The following FBXW8 variants were observed in gnomAD, a reference collection of about 807,000 sequenced individuals.
FBXW8 encodes the protein F-box and WD repeat domain containing 8, also known as F-box/WD repeat-containing protein 8.
FBXW8 carries 57 observed loss-of-function variants against 65.3 expected under a neutral mutation model. The observed-to-expected ratio is 0.87, with a 90% CI of 0.71 to 1.09. The LOEUF (loss-of-function observed/expected upper bound fraction) is 1.09, where lower values mean the gene tolerates loss of function less well. FBXW8 is among the 50% of genes least tolerant of loss of function. The probability of loss-of-function intolerance (pLI) is 0.00; values close to 1 mark genes in which losing one functional copy is unlikely to be tolerated. For missense variants in FBXW8, 777 were observed against 814.8 expected (o/e 0.95, Z 0.57); for synonymous variants, 308 against 330.2 (o/e 0.93, Z 0.73).
intron 1 of FBXW8, among the ~76,000 whole-genome samples, chr12:116,922,214 G>T (rs1400811193): frequency 6.6e-6 from 1 of 151,768 alleles, no homozygotes; most frequent in African/African-American, 2.4e-5. Context: ...TATTTATCTC[G>T]ACTGCCTTTC....
intron 9 of FBXW8, among the ~76,000 whole-genome samples, chr12:117,026,765 CCACCTGGATGAGA>C (rs1409374663): frequency 2.0e-5 from 3 of 152,252 alleles, no homozygotes; most frequent in African/African-American, 7.2e-5. Context: ...GGCCAGGCAT[CCACCTGGATGAGA>C]CATCTTTTTA....
At chr12:116,948,286 T>A (rs1883059351) in intron 3 of FBXW8, among the ~76,000 whole-genome samples, 1 of 152,198 alleles carries the variant, frequency 6.6e-6, no homozygotes. Flanking sequence ...AGAGATTTTC[T>A]GTTATTGTAA....
chr12:116,927,444 C>T (rs1237517532), intron 1 of FBXW8, among the ~76,000 whole-genome samples: 2 of 152,110 alleles, frequency 1.3e-5, no homozygotes, highest in Non-Finnish European at 2.9e-5. Flanking sequence ...GGAGAGGTGG[C>T]GTTCATCTCC....
At position 116,961,608 on chromosome 12, in the gene FBXW8, G is replaced by T. The variant is rs933378946; in HGVS notation, c.678-3089G>T. On this transcript the variant is annotated intron_variant, in intron 4 of 10. Transcript: ENST00000652555. This position sits in a 1 kb window ranked among gnomAD's most constrained non-coding sequence, Gnocchi z 4.4. ...AGGGTTCTCTGGGTATATGGCAAGCGCTGTTCTAGTCTGTCTGTTCCAGTC... is the reference window on the plus strand; with the variant it reads ...AGGGTTCTCTGGGTATATGGCAAGCTCTGTTCTAGTCTGTCTGTTCCAGTC... 1.3e-5 allele frequency among the ~76,000 whole-genome samples: 2 copies of T among 152,146 alleles called. No individual in the cohort carries two copies. The highest frequency in any genetic ancestry group is 4.1e-4 in the South Asian group (2 of 4,830).
At chr12:116,949,586 G>A (rs902453236) in intron 3 of FBXW8, 32 bp from the exon 4 acceptor site, 3 of 1,609,406 alleles carry the variant, frequency 1.9e-6, no homozygotes, top group South Asian at 2.2e-5. Context: ...CCCGAGAGCA[G>A]TCTAAACTGC....
chr12:116,971,872 C>A (rs1296031333), intron 5 of FBXW8, among the ~76,000 whole-genome samples: 1 of 152,130 alleles, frequency 6.6e-6, no homozygotes, highest in African/African-American at 2.4e-5. Flanking sequence ...AATTGTTTTT[C>A]ACACCAAGTG....
chr12:116,999,255 G>A (rs1162867146), intron 7 of FBXW8, among the ~76,000 whole-genome samples: 4 of 152,212 alleles, frequency 2.6e-5, no homozygotes, highest in African/African-American at 9.6e-5. Flanking sequence ...AAATGAGGAA[G>A]TGGGCTGTGT....
At chr12:116,918,854 C>T (rs1269896082) in intron 1 of FBXW8, among the ~76,000 whole-genome samples, 3 of 152,066 alleles carry the variant, frequency 2.0e-5, no homozygotes, top group East Asian at 1.9e-4. Context: ...GGGTGTGTGA[C>T]GCAGCACTAA....
intron 5 of FBXW8, among the ~76,000 whole-genome samples, chr12:116,979,743 T>C (rs1332300818): frequency 7.0e-6 from 1 of 143,136 alleles, no homozygotes; most frequent in African/African-American, 2.7e-5. Context: ...CTATAAACTC[T>C]GGCCTTCAGG....
intron 2 of FBXW8, among the ~76,000 whole-genome samples, chr12:116,929,659 A>G (rs758389688): frequency 2.6e-5 from 4 of 152,238 alleles, no homozygotes; most frequent in Non-Finnish European, 5.9e-5. Context: ...CAGTTGAGGT[A>G]ACTAACATGT....
chr12:117,003,993 T>C (rs1415580922), intron 7 of FBXW8, among the ~76,000 whole-genome samples: 1 of 152,214 alleles, frequency 6.6e-6, no homozygotes, highest in East Asian at 1.9e-4. Flanking sequence ...GCCCTTATCT[T>C]ACTGGAAATG....
At chr12:117,019,763 ATTC>A (rs1256707068) in intron 8 of FBXW8, among the ~76,000 whole-genome samples, 1 of 152,162 alleles carries the variant, frequency 6.6e-6, no homozygotes, top group Non-Finnish European at 1.5e-5. Context: ...TCATGAATGA[ATTC>A]TTGTTTTTTA....
chr12:116,945,796 T>G (rs1882892182), intron 3 of FBXW8, among the ~76,000 whole-genome samples: 1 of 152,200 alleles, frequency 6.6e-6, no homozygotes, highest in African/African-American at 2.4e-5. Context: ...CCTCTCGGAT[T>G]GTTAGGGTGG....
In FBXW8 at chr12:116,911,120, G is replaced by C. The variant is rs931462175; in HGVS notation, c.83G>C (p.Arg28Pro). The C allele has an allele frequency of 1.7e-5, 24 of 1,379,016 alleles. No homozygotes were observed. The African/African-American group carries it at 2.6e-4, about 15-fold the overall frequency. The allele number at this position is 1,379,016 out of a possible 1,614,324, so 85.4% of individuals were successfully genotyped here. The change falls in exon 1 of 11, where the codon CGG becomes CCG. Residue 28 changes from arginine to proline, a missense_variant. By Grantham distance (103) the Arg-to-Pro change is moderately radical. Coordinates refer to ENST00000652555, the MANE Select transcript of FBXW8 (RefSeq NM_153348.3). ...AQAQAPKKRRRPEAAERRARR... is the reference protein window; with the variant it reads ...AQAQAPKKRRPPEAAERRARR... ...GCCCAGGCGCCGAAGAAGCGGCGAC[G>C]GCCCGAGGCTGCCGAGAGGCGGGCT...
chr12:116,995,377 G>T (rs115974872), intron 7 of FBXW8, among the ~76,000 whole-genome samples: 1 of 152,190 alleles, frequency 6.6e-6, no homozygotes, highest in African/African-American at 2.4e-5. Flanking sequence ...CATGTAGGTG[G>T]TTTAAACCTT....
chr12:116,997,412 C>G (rs1234521870), intron 7 of FBXW8, among the ~76,000 whole-genome samples: 1 of 152,308 alleles, frequency 6.6e-6, no homozygotes, highest in African/African-American at 2.4e-5. Context: ...GTTGTGTCAC[C>G]ACTGGAGACT....
At chr12:116,970,835 AG>A (rs1182996369) in intron 5 of FBXW8, among the ~76,000 whole-genome samples, 3 of 152,176 alleles carry the variant, frequency 2.0e-5, no homozygotes, top group Non-Finnish European at 4.4e-5. Flanking sequence ...TTTGTTTTCC[AG>A]TCAGTCTTGT....
intron 8 of FBXW8, among the ~76,000 whole-genome samples, chr12:117,015,884 T>C (rs1393345319): frequency 6.6e-6 from 1 of 152,208 alleles, no homozygotes; most frequent in African/African-American, 2.4e-5. Flanking sequence ...CTCATCTACT[T>C]TCTTTCTCTG....
At chr12:116,941,973 A>G (rs900914765) in intron 2 of FBXW8, among the ~76,000 whole-genome samples, 1 of 152,144 alleles carries the variant, frequency 6.6e-6, no homozygotes, top group Non-Finnish European at 1.5e-5. Flanking sequence ...CACTTGGGTC[A>G]TATCCCACAG....
Sources: gnomAD v4.1 joint callset for allele counts (sites outside exome capture counted in the v4.1 genomes callset) on GRCh38, gnomAD v4.1.1 for gene constraint, Gnocchi (gnomAD v3.1) non-coding constraint, MANE v1.5 for transcripts, NCBI Gene and HGNC (gene_info 2026-07-23, HGNC 2026-07-21) for gene names.